Variants in GALNT18 observed in about 807,000 individuals in gnomAD.
GALNT18 encodes GalNAc-transferase 18.
Under a neutral mutation model 69.5 loss-of-function variants are expected in GALNT18, and 44 were observed. That is an observed-to-expected ratio of 0.63 (90% CI 0.50 to 0.81). The LOEUF is 0.81. GALNT18 is among the 40% of genes least tolerant of loss of function. The probability of loss-of-function intolerance (pLI) is 0.00; values close to 1 mark genes in which losing one functional copy is unlikely to be tolerated. For synonymous variants in GALNT18, 364 were observed against 318.2 expected, an observed-to-expected ratio of 1.14 and a Z score of -1.53; for missense variants, 715 against 810.0, an observed-to-expected ratio of 0.88 and a Z score of 1.42.
intron 3 of GALNT18, among the ~76,000 whole-genome samples, chr11:11,388,232 A>G (rs1854099056): frequency 6.6e-6 from 1 of 152,122 alleles, no homozygotes; most frequent in African/African-American, 2.4e-5. Context: ...ATTCGTGGCC[A>G]CCAAAACCCA....
At position 11,563,960 on chromosome 11, in the gene GALNT18, T is replaced by C. The variant is rs928124192; in HGVS notation, c.235+57399A>G. Among the ~76,000 whole-genome samples, 4 of 152,158 alleles carry C rather than the reference T, an allele frequency of 2.6e-5. 1 individual carries two copies. In the South Asian group the frequency reaches 6.2e-4, roughly 24 times the overall value. The stretch of plus-strand genomic sequence containing the variant: ...ATGCAGAGAGAAGGATATAAAGAGC[T>C]ATGCTGATCTGACATGATGGCTTGC... On this transcript the variant is annotated intron_variant, in intron 1 of 10. Coordinates refer to ENST00000227756, the MANE Select transcript of GALNT18 (RefSeq NM_198516.3). This position sits in a 1 kb window ranked among gnomAD's most constrained non-coding sequence, Gnocchi z 4.6.
chr11:11,281,056 C>T (rs1269177143), intron 10 of GALNT18, among the ~76,000 whole-genome samples: 2 of 152,164 alleles, frequency 1.3e-5, no homozygotes, highest in East Asian at 1.9e-4. Flanking sequence ...AGATCTGTGG[C>T]CAGTTCCCTG....
intron 1 of GALNT18, among the ~76,000 whole-genome samples, chr11:11,490,549 C>T (rs896237560): frequency 1.3e-5 from 2 of 152,086 alleles, no homozygotes; most frequent in Non-Finnish European, 2.9e-5. Context: ...AAATATTAAA[C>T]ACATAAGAAA....
At chr11:11,448,654 G>A in intron 2 of GALNT18, 90 bp downstream of exon 2, 1 of 1,081,754 alleles carries the variant, frequency 9.2e-7, no homozygotes. Flanking sequence ...CAAGAATCCA[G>A]GCGCCCAGTC....
At chr11:11,578,486 T>C (rs566748250) in intron 1 of GALNT18, among the ~76,000 whole-genome samples, 43 of 152,328 alleles carry the variant, frequency 2.8e-4, no homozygotes, top group South Asian at 2.5e-3. Flanking sequence ...AAATTGCAGT[T>C]TGAGTGCACC....
chr11:11,353,859 G>A (rs1156851769), intron 6 of GALNT18, among the ~76,000 whole-genome samples: 1 of 152,176 alleles, frequency 6.6e-6, no homozygotes, highest in African/African-American at 2.4e-5. Flanking sequence ...TAATGGATGT[G>A]TCATTGAGAT....
At chr11:11,609,180 C>T (rs868501502) in intron 1 of GALNT18, among the ~76,000 whole-genome samples, 1 of 152,218 alleles carries the variant, frequency 6.6e-6, no homozygotes, top group Admixed American at 6.5e-5. Context: ...CTGCTCACCC[C>T]CTCTGGTAGC....
chr11:11,301,084 G>C (rs545907691), intron 9 of GALNT18, among the ~76,000 whole-genome samples: 1 of 152,262 alleles, frequency 6.6e-6, no homozygotes, highest in South Asian at 2.1e-4. Flanking sequence ...ATCCATAGGA[G>C]GGCAAGAAAA....
At chr11:11,569,482 A>ATTG (rs10656239) in intron 1 of GALNT18, among the ~76,000 whole-genome samples, 6 of 151,766 alleles carry the variant, frequency 4.0e-5, no homozygotes, top group Non-Finnish European at 8.8e-5. Flanking sequence ...TCCTCTGGGA[A>ATTG]TTCTAAGAAA....
chr11:11,429,969 A>G (rs1193079237), intron 3 of GALNT18, among the ~76,000 whole-genome samples: 1 of 152,016 alleles, frequency 6.6e-6, no homozygotes. Context: ...GTGAGACTCC[A>G]TCTCTACAAA....
rs574654988 is a variant in GALNT18, at chr11:11,358,997, A to T, written c.1092+13518T>A. Among the ~76,000 whole-genome samples the T allele has an allele frequency of 3.0e-3, 416 of 140,750 alleles. 82 individuals carry two copies. The highest frequency in any genetic ancestry group is 9.9e-3 in the African/African-American group (376 of 38,124). 92.3% of individuals were successfully genotyped at this position (140,750 alleles called of 152,430 possible). A position where few individuals can be genotyped will look rare whatever the true frequency, so the allele number is the denominator to read the frequency against. On this transcript the variant is annotated intron_variant, in intron 6 of 10. Coordinates refer to ENST00000227756, the MANE Select transcript of GALNT18 (RefSeq NM_198516.3). Reference sequence around the variant, plus strand: ...ATTTTCTCTGTGTCCAGGGATGGGAAATAAAAGAATCTGCTTGCAGCTTTT... The same window carrying T: ...ATTTTCTCTGTGTCCAGGGATGGGATATAAAAGAATCTGCTTGCAGCTTTT...
chr11:11,592,585 C>T lies in GALNT18; in HGVS notation c.235+28774G>A, dbSNP rs111287960. ...ACAAGCTCAAAACAACTTTCAGTTACGAAAAAGGGTATAAACCGCCATTCC... is the reference window on the plus strand; with the variant it reads ...ACAAGCTCAAAACAACTTTCAGTTATGAAAAAGGGTATAAACCGCCATTCC... On this transcript the variant is annotated intron_variant, in intron 1 of 10. Coordinates refer to ENST00000227756, the MANE Select transcript of GALNT18 (RefSeq NM_198516.3). The surrounding 1 kb of genome is among the most constrained non-coding windows in gnomAD (Gnocchi z 5.9). Among the ~76,000 whole-genome samples, 12 of 152,074 alleles carry T rather than the reference C, an allele frequency of 7.9e-5. No homozygotes were observed. Among genetic ancestry groups the T allele is most frequent in the African/African-American group, 2.7e-4 (11 of 41,486 alleles).
rs994927356 is a variant in GALNT18 at position 11,309,142 on chromosome 11, T to C, written c.1513-15949A>G. 2.0e-5 allele frequency among the ~76,000 whole-genome samples: 3 copies of C among 152,028 alleles called. No individual in the cohort carries two copies. Among genetic ancestry groups the C allele is most frequent in the Non-Finnish European group, 4.4e-5 (3 of 67,972 alleles). ...CATCATCAAGGGAATGGGTTCCTTG[T>C]AAAAGGACAAGTTTAGTCCCCTCTC... On this transcript the variant is annotated intron_variant, in intron 9 of 10. Transcript: ENST00000227756. The surrounding 1 kb of genome is among the most constrained non-coding windows in gnomAD (Gnocchi z 4.6).
At position 11,304,947 on chromosome 11, in the gene GALNT18, A is replaced by G. The variant is rs1370668554; in HGVS notation, c.1513-11754T>C. On this transcript the variant is annotated intron_variant, in intron 9 of 10. Transcript: ENST00000227756. ...AACCGAGGAGCATGAGTAAGAAATA[A>G]ACACATCTTGTTGTAAGCCACTGAG... 2.0e-5 allele frequency among the ~76,000 whole-genome samples: 3 copies of G among 152,212 alleles called. No homozygotes were observed. In the South Asian group the frequency reaches 6.2e-4, roughly 32 times the overall value.
At chr11:11,280,581 T>C (rs548902462) in intron 10 of GALNT18, among the ~76,000 whole-genome samples, 1 of 152,166 alleles carries the variant, frequency 6.6e-6, no homozygotes, top group East Asian at 1.9e-4. Context: ...GAGGCCTGCG[T>C]CTCCCAGTTT....
chr11:11,494,858 T>C lies in GALNT18; in HGVS notation c.236-45922A>G, dbSNP rs1329255283. Reference sequence around the variant, plus strand: ...TATTTTAATCTTACAACTCCAACCATGATCATCTGGGAGTGTTGCAAATCA... The same window carrying C: ...TATTTTAATCTTACAACTCCAACCACGATCATCTGGGAGTGTTGCAAATCA... On this transcript the variant is annotated intron_variant, in intron 1 of 10. Transcript: ENST00000227756. The surrounding 1 kb of genome is among the most constrained non-coding windows in gnomAD (Gnocchi z 5.7). 6.6e-6 allele frequency among the ~76,000 whole-genome samples: 1 copy of C among 152,200 alleles called. No homozygotes were observed. The highest frequency in any genetic ancestry group is 1.5e-5 in the Non-Finnish European group (1 of 68,040).
intron 10 of GALNT18, among the ~76,000 whole-genome samples, chr11:11,289,183 A>G (rs1322155385): frequency 6.6e-6 from 1 of 152,224 alleles, no homozygotes; most frequent in Admixed American, 6.5e-5. Context: ...GGGCTCGAGG[A>G]GAGATTCCAG....
In GALNT18 at chr11:11,586,814, A is replaced by AC. The variant is rs1472139494; in HGVS notation, c.235+34544_235+34545insG. Among the ~76,000 whole-genome samples, 14 of 74,436 alleles carry AC rather than the reference A, an allele frequency of 1.9e-4. No homozygotes were observed. Among genetic ancestry groups the AC allele is most frequent in the African/African-American group, 5.1e-4 (14 of 27,554 alleles). 48.8% of individuals were successfully genotyped at this position (74,436 alleles called of 152,430 possible). ...CATGGTTAAACACCATCTCTACTAAAAACACACACACACACACACAAAAAA... is the reference window on the plus strand; with the variant it reads ...CATGGTTAAACACCATCTCTACTAAACAACACACACACACACACACAAAAAA... On this transcript the variant is annotated intron_variant, in intron 1 of 10. Transcript: ENST00000227756. This position sits in a 1 kb window ranked among gnomAD's most constrained non-coding sequence, Gnocchi z 4.1.
rs956014821 is a variant in GALNT18 at position 11,592,103 on chromosome 11, A to G, written c.235+29256T>C. 2.0e-5 allele frequency among the ~76,000 whole-genome samples: 3 copies of G among 152,234 alleles called. No homozygotes were observed. Among genetic ancestry groups the G allele is most frequent in the African/African-American group, 4.8e-5 (2 of 41,470 alleles). On this transcript the variant is annotated intron_variant, in intron 1 of 10. Coordinates refer to ENST00000227756, the MANE Select transcript of GALNT18 (RefSeq NM_198516.3). The surrounding 1 kb of genome is among the most constrained non-coding windows in gnomAD (Gnocchi z 5.9). ...GGTACCTGGCATGTAATAAAACTCAATAAATGCTAGCTATTTGGCACAAAC... is the reference window on the plus strand; with the variant it reads ...GGTACCTGGCATGTAATAAAACTCAGTAAATGCTAGCTATTTGGCACAAAC...
Sources: allele counts gnomAD v4.1 joint callset (sites outside exome capture counted in the v4.1 genomes callset), GRCh38; gene constraint gnomAD v4.1.1; non-coding constraint Gnocchi (gnomAD v3.1); transcripts MANE v1.5; gene names NCBI Gene and HGNC (gene_info 2026-07-23, HGNC 2026-07-21).